Variants in STX8 observed in about 807,000 individuals in gnomAD.
STX8 encodes syntaxin-8.
A neutral mutation model predicts 37.5 loss-of-function variants in STX8; 23 were observed. The observed-to-expected ratio is 0.61, with a 90% CI of 0.44 to 0.87. The LOEUF (loss-of-function observed/expected upper bound fraction) is 0.87, where lower values mean the gene tolerates loss of function less well. Ranked by LOEUF, STX8 falls within the 40% of genes least tolerant of loss-of-function variation. The pLI is 0.00. For missense variants in STX8, 313 were observed against 284.7 expected (o/e 1.10, Z -0.71); for synonymous variants, 115 against 99.1 (o/e 1.16, Z -0.95).
chr17:9,535,424 C>CTTGTTTTTTTT (rs1905993497), intron 4 of STX8, among the ~76,000 whole-genome samples: 1 of 51,550 alleles, frequency 1.9e-5, no homozygotes, highest in African/African-American at 7.4e-5. Flanking sequence ...AGCCATCCTA[C>CTTGTTTTTTTT]TTTTTTTTTT....
intron 4 of STX8, among the ~76,000 whole-genome samples, chr17:9,515,382 A>C (rs1262833805): frequency 6.6e-6 from 1 of 152,208 alleles, no homozygotes. Flanking sequence ...GATTCCTTAG[A>C]CTAAGATTTT....
At chr17:9,325,950 G>A (rs1909738171) in intron 7 of STX8, among the ~76,000 whole-genome samples, 1 of 152,082 alleles carries the variant, frequency 6.6e-6, no homozygotes, top group Non-Finnish European at 1.5e-5. Flanking sequence ...AATTATCTAG[G>A]GACATAAATG....
intron 7 of STX8, among the ~76,000 whole-genome samples, chr17:9,335,666 T>G (rs1419039664): frequency 6.6e-6 from 1 of 152,224 alleles, no homozygotes; most frequent in Non-Finnish European, 1.5e-5. Flanking sequence ...TACAGTAAAT[T>G]GATTATTTTT....
rs115790318 is a variant in STX8 at position 9,567,842 on chromosome 17, C to T, written c.117+529G>A. 6.8e-3 allele frequency among the ~76,000 whole-genome samples: 1,035 copies of T among 152,164 alleles called. 15 individuals carry two copies. The highest frequency in any genetic ancestry group is 0.024 in the African/African-American group (986 of 41,508). On this transcript the variant is annotated intron_variant, in intron 2 of 7. Transcript: ENST00000306357. The stretch of plus-strand genomic sequence containing the variant: ...GCTGGACTACAGGTGTGTGCCACCA[C>T]GCCTGGCTAGGTTTTATATTTTTAG...
At chr17:9,339,404 C>T (rs1481441581) in intron 7 of STX8, among the ~76,000 whole-genome samples, 1 of 152,098 alleles carries the variant, frequency 6.6e-6, no homozygotes, top group Admixed American at 6.5e-5. Context: ...CCTGTAATCC[C>T]AGCACTTTGG....
intron 7 of STX8, among the ~76,000 whole-genome samples, chr17:9,345,028 G>A (rs1291563667): frequency 6.6e-6 from 1 of 152,128 alleles, no homozygotes; most frequent in East Asian, 1.9e-4. Flanking sequence ...CAGGTGATAT[G>A]GCATCCTGGG....
chr17:9,424,869 A>C (rs1913569347), intron 6 of STX8, among the ~76,000 whole-genome samples: 1 of 152,226 alleles, frequency 6.6e-6, no homozygotes, highest in Non-Finnish European at 1.5e-5. Context: ...TCCCTTAAGG[A>C]GTTTGAAATT....
chr17:9,552,240 G>A (rs1489012416), intron 3 of STX8, among the ~76,000 whole-genome samples: 1 of 152,178 alleles, frequency 6.6e-6, no homozygotes. Flanking sequence ...TACTTGGGAG[G>A]CTGAGGCAGG....
chr17:9,253,954 G>A (rs944689861), intron 7 of STX8, among the ~76,000 whole-genome samples: 6 of 152,160 alleles, frequency 3.9e-5, no homozygotes, highest in Non-Finnish European at 2.9e-5. Flanking sequence ...CAAGGCATGC[G>A]CAGTCACTGC....
intron 1 of STX8, chr17:9,569,774 C>T (rs561934990): frequency 2.0e-5 from 3 of 152,130 alleles, no homozygotes; most frequent in East Asian, 3.9e-4. Context: ...AGTGAAACCC[C>T]GTCTCAACTA....
intron 7 of STX8, among the ~76,000 whole-genome samples, chr17:9,274,625 G>A (rs1015035033): frequency 2.0e-5 from 3 of 148,364 alleles, no homozygotes; most frequent in South Asian, 2.2e-4. Context: ...GCAGTGAGCC[G>A]AGATTGCACC....
chr17:9,343,992 G>A (rs1396684669), intron 7 of STX8, among the ~76,000 whole-genome samples: 2 of 152,032 alleles, frequency 1.3e-5, no homozygotes, highest in African/African-American at 4.8e-5. Flanking sequence ...ACATGAGGAG[G>A]CCCAAGTACC....
intron 6 of STX8, among the ~76,000 whole-genome samples, chr17:9,487,576 C>T (rs1372541750): frequency 1.3e-5 from 2 of 152,126 alleles, no homozygotes; most frequent in African/African-American, 2.4e-5. Context: ...CAAATGTTCA[C>T]ATTAGAAAAC....
intron 6 of STX8, among the ~76,000 whole-genome samples, chr17:9,423,162 G>C (rs1349303969): frequency 6.6e-6 from 1 of 152,116 alleles, no homozygotes; most frequent in African/African-American, 2.4e-5. Flanking sequence ...TTTTCATTTT[G>C]TACCTTTCTG....
intron 7 of STX8, among the ~76,000 whole-genome samples, chr17:9,347,811 T>A (rs1161275221): frequency 6.6e-6 from 1 of 152,198 alleles, no homozygotes; most frequent in African/African-American, 2.4e-5. Context: ...AACTCCCCAG[T>A]CCCTGGCAAT....
At chr17:9,490,865 G>C (rs1162382828) in intron 6 of STX8, among the ~76,000 whole-genome samples, 4 of 152,170 alleles carry the variant, frequency 2.6e-5, no homozygotes, top group Non-Finnish European at 5.9e-5. Flanking sequence ...GTGGTCTCAG[G>C]GGGCCCTGCA....
chr17:9,437,188 G>A lies in STX8; in HGVS notation c.541+54641C>T, dbSNP rs540880854. On this transcript the variant is annotated intron_variant, in intron 6 of 7. Transcript: ENST00000306357. ...AGTATTCATCAATAGCAAATATCGC[G>A]TTGCTTAAATATTCCATTACTCGAT... Among the ~76,000 whole-genome samples the A allele has an allele frequency of 2.3e-4, 35 of 152,284 alleles. No individual in the cohort carries two copies. The East Asian group carries it at 3.5e-3, about 15-fold the overall frequency.
intron 2 of STX8, among the ~76,000 whole-genome samples, chr17:9,559,760 A>ATATTTTTTTT: frequency 3.3e-4 from 8 of 24,496 alleles, no homozygotes; most frequent in East Asian, 2.7e-3. Context: ...ATATATATAT[A>ATATTTTTTTT]TTTTTTTTTT....
intron 6 of STX8, among the ~76,000 whole-genome samples, chr17:9,486,162 T>C (rs1320765320): frequency 2.0e-5 from 3 of 152,066 alleles, no homozygotes; most frequent in East Asian, 1.9e-4. Context: ...CCAGTGGCAA[T>C]GGGTACAGTA....
Sources: gnomAD v4.1 joint callset for allele counts (sites outside exome capture counted in the v4.1 genomes callset) on GRCh38, gnomAD v4.1.1 for gene constraint, MANE v1.5 for transcripts, NCBI Gene and HGNC (gene_info 2026-07-23, HGNC 2026-07-21) for gene names.